ERC2: variants seen among roughly 807,000 people sequenced by gnomAD.
The protein encoded by ERC2 is ERC protein 2.
ERC2 carries 42 observed loss-of-function variants against 114.8 expected under a neutral mutation model. The observed-to-expected ratio is 0.37, with a 90% CI of 0.29 to 0.47. ERC2 has a LOEUF of 0.47. ERC2 is among the 20% of genes least tolerant of loss of function. The probability of loss-of-function intolerance (pLI) is 0.99; values close to 1 mark genes in which losing one functional copy is unlikely to be tolerated. For missense variants in ERC2, 939 were observed against 1,150.7 expected (o/e 0.82, Z 2.66); for synonymous variants, 454 against 425.5 (o/e 1.07, Z -0.82).
At chr3:55,816,004 C>G (rs2059894029) in intron 14 of ERC2, among the ~76,000 whole-genome samples, 1 of 152,226 alleles carries the variant, frequency 6.6e-6, no homozygotes, top group South Asian at 2.1e-4. Flanking sequence ...TCTCACCTGG[C>G]ATTGGTGGAG....
intron 3 of ERC2, among the ~76,000 whole-genome samples, chr3:56,196,050 C>A (rs1003967052): frequency 2.0e-5 from 3 of 152,048 alleles, no homozygotes; most frequent in African/African-American, 7.2e-5. Flanking sequence ...AGAGTATATG[C>A]ATACTGATTT....
intron 15 of ERC2, among the ~76,000 whole-genome samples, chr3:55,718,953 G>A (rs975570303): frequency 5.3e-5 from 8 of 152,118 alleles, no homozygotes; most frequent in Non-Finnish European, 8.8e-5. Flanking sequence ...ATGATTCACC[G>A]AAATTTCCAC....
Position 55,820,961 on chromosome 3 carries a change from C to A in ERC2, c.2564+67428G>T, listed in dbSNP as rs948309270. Among the ~76,000 whole-genome samples, 3 of 151,924 alleles carry A rather than the reference C, an allele frequency of 2.0e-5. No individual in the cohort carries two copies. In the East Asian group the frequency reaches 5.8e-4, roughly 29 times the overall value. ...TTTTATAACTTGAAGGTTTCCTTGG[C>A]TGCTTGTTCAGTGTTGGGAAGAAAA... On this transcript the variant is annotated intron_variant, in intron 14 of 17. Coordinates refer to ENST00000288221, the MANE Select transcript of ERC2 (RefSeq NM_015576.3).
intron 10 of ERC2, among the ~76,000 whole-genome samples, chr3:55,998,104 A>G (rs1207325219): frequency 6.6e-6 from 1 of 151,374 alleles, no homozygotes; most frequent in Non-Finnish European, 1.5e-5. Context: ...TTCACTCACA[A>G]TTCAAGCTAA....
At chr3:55,750,792 T>TG (rs2066650673) in intron 14 of ERC2, among the ~76,000 whole-genome samples, 1 of 152,230 alleles carries the variant, frequency 6.6e-6, no homozygotes, top group Non-Finnish European at 1.5e-5. Context: ...ACGGAAAGAC[T>TG]GGTTTGGCCA....
intron 6 of ERC2, among the ~76,000 whole-genome samples, chr3:56,107,759 G>A (rs1350550503): frequency 6.6e-6 from 1 of 152,102 alleles, no homozygotes; most frequent in African/African-American, 2.4e-5. Flanking sequence ...CAAAGTAAGG[G>A]AAAAATGTGA....
chr3:55,901,440 T>C (rs80223575), intron 13 of ERC2, among the ~76,000 whole-genome samples: 3,104 of 152,248 alleles, frequency 0.02, 126 homozygotes, highest in African/African-American at 0.07. Flanking sequence ...GAAAGATTAT[T>C]CAATTCCTTG....
At chr3:55,730,075 A>G (rs1476980143) in intron 15 of ERC2, among the ~76,000 whole-genome samples, 1 of 152,028 alleles carries the variant, frequency 6.6e-6, no homozygotes, top group Non-Finnish European at 1.5e-5. Context: ...AACCACTGGA[A>G]CTGGGTTTCT....
chr3:56,150,625 C>G (rs2081366163), intron 4 of ERC2, among the ~76,000 whole-genome samples: 1 of 152,090 alleles, frequency 6.6e-6, no homozygotes, highest in Non-Finnish European at 1.5e-5. Flanking sequence ...GTTATAAAAG[C>G]AATATACTTT....
intron 1 of ERC2, among the ~76,000 whole-genome samples, chr3:56,459,089 G>C (rs890970781): frequency 6.6e-6 from 1 of 152,152 alleles, no homozygotes; most frequent in Non-Finnish European, 1.5e-5. Flanking sequence ...CTCACTGCCA[G>C]AGCAGCTCCC....
intron 9 of ERC2, among the ~76,000 whole-genome samples, chr3:56,009,249 T>C (rs1431869156): frequency 6.6e-6 from 1 of 152,182 alleles, no homozygotes; most frequent in Non-Finnish European, 1.5e-5. Context: ...TTCCATATCT[T>C]CTGTCGCATA....
At chr3:56,243,893 T>C (rs1312217646) in intron 3 of ERC2, among the ~76,000 whole-genome samples, 1 of 152,164 alleles carries the variant, frequency 6.6e-6, no homozygotes, top group Non-Finnish European at 1.5e-5. Context: ...GGTGAGTTTA[T>C]ATTGTCATCC....
At chr3:55,949,415 A>G (rs188660554) in intron 13 of ERC2, among the ~76,000 whole-genome samples, 2 of 152,114 alleles carry the variant, frequency 1.3e-5, no homozygotes, top group East Asian at 3.9e-4. Context: ...TTGTCTCACT[A>G]TTCAGTGAAC....
chr3:56,250,477 T>G (rs2052068479), intron 3 of ERC2, among the ~76,000 whole-genome samples: 1 of 152,164 alleles, frequency 6.6e-6, no homozygotes, highest in Non-Finnish European at 1.5e-5. Context: ...GGCTTACAAA[T>G]ATTTCACCTT....
rs1282747659 is a variant in ERC2 at position 56,405,893 on chromosome 3, T to TC, written c.657+28457_657+28458insG. Among the ~76,000 whole-genome samples the TC allele has an allele frequency of 7.1e-5, 10 of 140,556 alleles. No homozygotes were observed. In the East Asian group the frequency reaches 2.0e-3, roughly 28 times the overall value. 92.2% of individuals were successfully genotyped at this position (140,556 alleles called of 152,430 possible). On this transcript the variant is annotated intron_variant, in intron 2 of 17. Transcript: ENST00000288221. ...AGGATATGAACTTTTTTTTCTTTTT[T>TC]TTTTTTTTTTTTTTTTTGAGATAGA...
chr3:56,097,087 G>A (rs2078103233), intron 6 of ERC2, among the ~76,000 whole-genome samples: 1 of 152,184 alleles, frequency 6.6e-6, no homozygotes, highest in African/African-American at 2.4e-5. Context: ...GTTTTAGGAA[G>A]AGCATAAATG....
At chr3:56,360,277 G>A (rs1180590646) in intron 2 of ERC2, among the ~76,000 whole-genome samples, 2 of 151,662 alleles carry the variant, frequency 1.3e-5, no homozygotes, top group Non-Finnish European at 2.9e-5. Flanking sequence ...CTTGTGATCC[G>A]CCTGCCTCAG....
At chr3:55,622,012 T>C (rs1323794871) in intron 17 of ERC2, among the ~76,000 whole-genome samples, 1 of 152,204 alleles carries the variant, frequency 6.6e-6, no homozygotes, top group African/African-American at 2.4e-5. Flanking sequence ...ATAATGGTGC[T>C]CTTTTCATAA....
intron 6 of ERC2, among the ~76,000 whole-genome samples, chr3:56,111,323 CTCTCTCTCTCAA>C (rs2078950644): frequency 2.1e-5 from 3 of 142,052 alleles, no homozygotes; most frequent in Admixed American, 6.9e-5. Context: ...CTCTTTCTCT[CTCTCTCTCTCAA>C]TCTCTCTCCC....
Sources: allele counts gnomAD v4.1 joint callset (sites outside exome capture counted in the v4.1 genomes callset), GRCh38; gene constraint gnomAD v4.1.1; transcripts MANE v1.5; gene names NCBI Gene and HGNC (gene_info 2026-07-23, HGNC 2026-07-21).